The following RBM48 variants were observed in gnomAD, a reference collection of about 807,000 sequenced individuals.
RBM48 encodes the protein RNA binding motif protein 48.
In RBM48, 32 loss-of-function variants were observed where a neutral mutation model predicts 34.8. That is an observed-to-expected ratio of 0.92 (90% CI 0.69 to 1.23). RBM48 has a LOEUF of 1.23. Among genes scored for constraint, RBM48 ranks in the 50% most tolerant of loss-of-function variants. RBM48 has a pLI of 0.00. For missense variants in RBM48, 441 were observed against 447.2 expected, an observed-to-expected ratio of 0.99 and a Z score of 0.12; for synonymous variants, 151 against 156.2, an observed-to-expected ratio of 0.97 and a Z score of 0.25.
chr7:92,536,598 A>G (rs1793718114), intron 4 of RBM48: 1 of 1,103,104 alleles, frequency 9.1e-7, no homozygotes, highest in South Asian at 4.2e-5. Flanking sequence ...AAAGTAGAGC[A>G]TATGTTCACT....
intron 3 of RBM48, among the ~76,000 whole-genome samples, chr7:92,533,218 C>A (rs1793619332): frequency 6.6e-6 from 1 of 152,198 alleles, no homozygotes; most frequent in South Asian, 2.1e-4. Context: ...CCCCAGTCAT[C>A]TGCAGACATT....
intron 3 of RBM48, among the ~76,000 whole-genome samples, 200 bp downstream of exon 3, chr7:92,532,749 A>G (rs895758107): frequency 3.3e-5 from 5 of 152,230 alleles, no homozygotes; most frequent in Non-Finnish European, 7.3e-5. Context: ...AAGACTTCCT[A>G]TAGTATGTGA....
At position 92,540,479 on chromosome 7, in the gene RBM48, C is replaced by T. The variant is rs1242028201; in HGVS notation, c.*3542C>T. 6.6e-5 allele frequency: 10 copies of T among 152,118 alleles called. No homozygotes were observed. The highest frequency in any genetic ancestry group is 6.5e-4 in the Admixed American group (10 of 15,280). 9.4% of individuals were successfully genotyped at this position (152,118 alleles called of 1,614,324 possible). A position where few individuals can be genotyped will look rare whatever the true frequency, so the allele number is the denominator to read the frequency against. On this transcript the variant is annotated 3_prime_UTR_variant, in exon 5 of 5. Transcript: ENST00000265732. Reference sequence around the variant, plus strand: ...AAAAGTTCACACTTCTGTAGACACCCTACATACATAAAAAATTATTTATTT... The same window carrying T: ...AAAAGTTCACACTTCTGTAGACACCTTACATACATAAAAAATTATTTATTT...
chr7:92,531,849 A>G (rs897669100), intron 2 of RBM48, among the ~76,000 whole-genome samples: 6 of 152,254 alleles, frequency 3.9e-5, no homozygotes, highest in Admixed American at 6.5e-5. Context: ...ATTTATCATT[A>G]TCCCTGGATA....
chr7:92,529,148 T>G, intron 1 of RBM48: 1 of 594,182 alleles, frequency 1.7e-6, no homozygotes, highest in Non-Finnish European at 3.0e-6. Context: ...GTTTTAGTCA[T>G]TGGATCTTCT....
chr7:92,539,664 A>C lies in RBM48; in HGVS notation c.*2727A>C, dbSNP rs1480070692. 6.6e-6 allele frequency among the ~76,000 whole-genome samples: 1 copy of C among 152,318 alleles called. No homozygotes were observed. Among genetic ancestry groups the C allele is most frequent in the East Asian group, 1.9e-4 (1 of 5,194 alleles). ...CAGTGAGTTGAGATTGTACCACTGC[A>C]CTCCAGTCTGGGCAACAGACGGAGA... On this transcript the variant is annotated 3_prime_UTR_variant, in exon 5 of 5. Coordinates refer to ENST00000265732, the MANE Select transcript of RBM48 (RefSeq NM_032120.4).
chr7:92,529,120 C>G, intron 1 of RBM48, 196 bp downstream of exon 1: 7 of 618,914 alleles, frequency 1.1e-5, no homozygotes, highest in Non-Finnish European at 1.4e-5. Context: ...AACATCAACT[C>G]CACGAGAATA....
Position 92,532,503 on chromosome 7 carries a change from A to C in RBM48, c.402A>C (p.Lys134Asn). 1 of 1,613,490 alleles carries C rather than the reference A, an allele frequency of 6.2e-7. No homozygotes were observed. The highest frequency in any genetic ancestry group is 1.1e-5 in the South Asian group (1 of 91,040). ...AAACAGTTGAAGAAACTAGAAAAAA[A>C]CTACAAATGCGGAAGGCATATGTAG... ...EFETVEETRK[K>N]LQMRKAYVVK... Residue 134 changes from lysine to asparagine, a missense_variant, in exon 3 of 5, where the codon AAA becomes AAC. Lys to Asn is a moderately conservative substitution (Grantham distance 94). Coordinates refer to ENST00000265732, the MANE Select transcript of RBM48 (RefSeq NM_032120.4).
Position 92,529,478 on chromosome 7 carries a change from A to C in RBM48, c.114A>C (p.Val38=). Residue 38 remains valine, a splice_region_variant and synonymous_variant, in exon 2 of 5, where the codon GTA becomes GTC. Transcript: ENST00000265732. ...REGRRPRAVK[V]YTINLESQYL... is the part of the protein sequence containing the mutation. The stretch of plus-strand genomic sequence containing the variant: ...TAATAACTCTGCATTTCTTTCAGGT[A>C]TATACAATCAATTTGGAATCTCAGT... The C allele has an allele frequency of 6.3e-7, 1 of 1,580,744 alleles. No individual in the cohort carries two copies. The highest frequency in any genetic ancestry group is 8.7e-7 in the Non-Finnish European group (1 of 1,154,262).
chr7:92,528,811 A>C lies in RBM48; in HGVS notation c.-3A>C. On this transcript the variant is annotated 5_prime_UTR_variant, in exon 1 of 5. Transcript: ENST00000265732. Reference sequence around the variant, plus strand: ...CCTCCCTGCGAGGATCAAAGTAGGCAAGATGGCGTCGAGCGGCGGGGAGCT... The same window carrying C: ...CCTCCCTGCGAGGATCAAAGTAGGCCAGATGGCGTCGAGCGGCGGGGAGCT... 2 of 1,613,464 alleles carry C rather than the reference A, an allele frequency of 1.2e-6. No individual in the cohort carries two copies. The highest frequency in any genetic ancestry group is 1.7e-6 in the Non-Finnish European group (2 of 1,179,434).
chr7:92,529,254 A>C, intron 1 of RBM48: 1 of 574,594 alleles, frequency 1.7e-6, no homozygotes, highest in Non-Finnish European at 3.1e-6. Flanking sequence ...TCTGGAAAAA[A>C]ATGTCGACTG....
intron 4 of RBM48, chr7:92,535,755 T>C: frequency 1.3e-5 from 13 of 973,738 alleles, no homozygotes; most frequent in Non-Finnish European, 1.6e-5. Flanking sequence ...TTCATATATG[T>C]ACATTTTTTA....
rs1041880824 is a variant in RBM48 at position 92,537,691 on chromosome 7, T to C, written c.*754T>C. 1 of 152,352 alleles carries C rather than the reference T, an allele frequency of 6.6e-6. No homozygotes were observed. The highest frequency in any genetic ancestry group is 2.4e-5 in the African/African-American group (1 of 41,580). 9.4% of individuals were successfully genotyped at this position (152,352 alleles called of 1,614,324 possible). A position where few individuals can be genotyped will look rare whatever the true frequency, so the allele number is the denominator to read the frequency against. ...CTTTAAATAACTTTTAAGAATTTGC[T>C]TGACCTGTGGCAATCCAAAAATACA... On this transcript the variant is annotated 3_prime_UTR_variant, in exon 5 of 5. Transcript: ENST00000265732.
intron 2 of RBM48, 123 bp from the exon 3 acceptor site, chr7:92,532,281 G>C (rs1793593142): frequency 6.5e-6 from 5 of 765,360 alleles, no homozygotes; most frequent in Admixed American, 2.4e-5. Context: ...CAATCCACAG[G>C]ATATATATAC....
Position 92,534,732 on chromosome 7 carries a change from G to A in RBM48, c.779G>A (p.Gly260Asp). 1.2e-6 allele frequency: 2 copies of A among 1,614,160 alleles called. No homozygotes were observed. Among genetic ancestry groups the A allele is most frequent in the Non-Finnish European group, 1.7e-6 (2 of 1,180,032 alleles). ...NSLKNSVACP[G>D]AQKAITSSEA... The stretch of plus-strand genomic sequence containing the variant: ...TTGAAAAACTCAGTGGCCTGCCCTG[G>A]TGCACAAAAGGCTATTACGTCTTCA... The change falls in exon 4 of 5, where the codon GGT (glycine) becomes GAT (aspartate). Residue 260 changes from glycine to aspartate, a missense_variant. Transcript: ENST00000265732.
At position 92,532,387 on chromosome 7, in the gene RBM48, C is replaced by G. The variant is rs780676464; in HGVS notation, c.303-17C>G. 1 of 1,592,932 alleles carries G rather than the reference C, an allele frequency of 6.3e-7. No individual in the cohort carries two copies. The highest frequency in any genetic ancestry group is 1.8e-5 in the Admixed American group (1 of 55,020). Reference sequence around the variant, plus strand: ...AATCTAGATTAAAAAACTATGCTATCTTGTATTTCCATTCAGGACAGCCAA... The same window carrying G: ...AATCTAGATTAAAAAACTATGCTATGTTGTATTTCCATTCAGGACAGCCAA... On this transcript the variant is annotated splice_polypyrimidine_tract_variant and intron_variant, in intron 2 of 4. Transcript: ENST00000265732.
intron 3 of RBM48, among the ~76,000 whole-genome samples, chr7:92,534,014 C>T (rs954640941): frequency 4.0e-5 from 6 of 148,422 alleles, no homozygotes; most frequent in Admixed American, 4.0e-4. Context: ...GATGAAAAAC[C>T]TCTGTAAGAT....
Position 92,532,477 on chromosome 7 carries a change from G to A in RBM48, c.376G>A (p.Glu126Lys), listed in dbSNP as rs1338270496. ...LLHVCYAPEFETVEETRKKLQ... is the reference protein window; with the variant it reads ...LLHVCYAPEFKTVEETRKKLQ... ...TCATGTGTGCTATGCTCCAGAATTT[G>A]AAACAGTTGAAGAAACTAGAAAAAA... Residue 126 changes from glutamate (E) to lysine (K), a missense_variant, in exon 3 of 5, where the codon GAA (glutamate) becomes AAA (lysine). Glu to Lys is a moderately conservative substitution (Grantham distance 56). Coordinates refer to ENST00000265732, the MANE Select transcript of RBM48 (RefSeq NM_032120.4). 6.2e-7 allele frequency: 1 copy of A among 1,612,698 alleles called. No individual in the cohort carries two copies. The highest frequency in any genetic ancestry group is 8.5e-7 in the Non-Finnish European group (1 of 1,178,778).
rs746259980 is a variant in RBM48 at position 92,534,652 on chromosome 7, AACAATGGGGCATTATAACC to A, written c.706_724del (p.Gly236ThrfsTer8). ...CTAAGGATGGTAGAAACCATCATAA[AACAATGGGGCATTATAACC>A]ACAATGACTCTTTGCGGAAAACACA... On this transcript the variant is annotated frameshift_variant, in exon 4 of 5. Transcript: ENST00000265732. LOFTEE classifies it high-confidence loss of function. The A allele has an allele frequency of 1.2e-6, 2 of 1,614,216 alleles. No homozygotes were observed. Among genetic ancestry groups the A allele is most frequent in the Non-Finnish European group, 1.7e-6 (2 of 1,180,038 alleles).
Sources: gnomAD v4.1 joint callset for allele counts (sites outside exome capture counted in the v4.1 genomes callset) on GRCh38, gnomAD v4.1.1 for gene constraint, MANE v1.5 for transcripts, NCBI Gene and HGNC (gene_info 2026-07-23, HGNC 2026-07-21) for gene names.